DHRS7B: variants seen among roughly 807,000 people sequenced by gnomAD.
The protein encoded by DHRS7B is peroxisomal reductase activating PPAR-gamma.
DHRS7B carries 24 observed loss-of-function variants against 26.4 expected under a neutral mutation model. That is an observed-to-expected ratio of 0.91 (90% CI 0.66 to 1.28). The LOEUF (loss-of-function observed/expected upper bound fraction) is 1.28, where lower values mean the gene tolerates loss of function less well. Among genes scored for constraint, DHRS7B ranks in the 50% most tolerant of loss-of-function variants. DHRS7B has a pLI of 0.00. For synonymous variants in DHRS7B, 142 were observed against 166.4 expected, an observed-to-expected ratio of 0.85 and a Z score of 1.13; for missense variants, 368 against 419.4, an observed-to-expected ratio of 0.88 and a Z score of 1.07.
At chr17:21,183,162 T>G (rs1261678506) in intron 3 of DHRS7B, among the ~76,000 whole-genome samples, 1 of 152,176 alleles carries the variant, frequency 6.6e-6, no homozygotes, top group Non-Finnish European at 1.5e-5. Context: ...TTTTTCTAAC[T>G]TGTTGGCAAA....
chr17:21,190,627 C>T (rs944282144), intron 6 of DHRS7B, among the ~76,000 whole-genome samples: 7 of 152,256 alleles, frequency 4.6e-5, no homozygotes, highest in African/African-American at 1.4e-4. Context: ...CGGGCTGGCC[C>T]TGTGCCTTTG....
intron 2 of DHRS7B, among the ~76,000 whole-genome samples, chr17:21,177,036 AC>A (rs1430779128): frequency 6.6e-6 from 1 of 151,656 alleles, no homozygotes; most frequent in Non-Finnish European, 1.5e-5. Flanking sequence ...GTAGTCCTCC[AC>A]CCCCAGTTCT....
chr17:21,158,433 G>T (rs1266323655), intron 1 of DHRS7B, among the ~76,000 whole-genome samples: 1 of 152,176 alleles, frequency 6.6e-6, no homozygotes, highest in Non-Finnish European at 1.5e-5. Context: ...CAAGGTTAAT[G>T]TATAAACATG....
intron 1 of DHRS7B, among the ~76,000 whole-genome samples, chr17:21,164,572 G>A (rs1974071059): frequency 6.6e-6 from 1 of 152,248 alleles, no homozygotes; most frequent in African/African-American, 2.4e-5. Context: ...GGCCAGCACA[G>A]CAGTTTGAAT....
At position 21,127,007 on chromosome 17, in the gene DHRS7B, G is replaced by A. The variant is rs1168327938; in HGVS notation, c.20+16G>A. The A allele has an allele frequency of 2.6e-6, 4 of 1,515,886 alleles. No individual in the cohort carries two copies. The highest frequency in any genetic ancestry group is 3.5e-6 in the Non-Finnish European group (4 of 1,133,334). The allele number at this position is 1,515,886 out of a possible 1,614,324, so 93.9% of individuals were successfully genotyped here. On this transcript the variant is annotated intron_variant, in intron 1 of 6. Transcript: ENST00000395511. ...CGGCTACCAGGTAGGGGCTGGGGAAGAAGGAACCTCCGAGATGAGGCGATA... is the reference window on the plus strand; with the variant it reads ...CGGCTACCAGGTAGGGGCTGGGGAAAAAGGAACCTCCGAGATGAGGCGATA...
chr17:21,172,515 G>T (rs187659730), intron 2 of DHRS7B: 143 of 445,088 alleles, frequency 3.2e-4, no homozygotes, highest in African/African-American at 2.6e-3. Flanking sequence ...GCTTGCTGAG[G>T]TAGGAATTTT....
chr17:21,154,730 A>G (rs1973842972), intron 1 of DHRS7B, among the ~76,000 whole-genome samples: 1 of 152,242 alleles, frequency 6.6e-6, no homozygotes, highest in South Asian at 2.1e-4. Flanking sequence ...GTATGCTTTT[A>G]TATACCAATA....
rs35189205 is a variant in DHRS7B at position 21,164,030 on chromosome 17, C to CTTTTTTTTTTT, written c.21-7982_21-7972dup. Among the ~76,000 whole-genome samples, 23 of 96,972 alleles carry CTTTTTTTTTTT rather than the reference C, an allele frequency of 2.4e-4. 2 individuals carry two copies. Among genetic ancestry groups the CTTTTTTTTTTT allele is most frequent in the African/African-American group, 5.1e-4 (10 of 19,748 alleles). The allele number at this position is 96,972 out of a possible 152,430, so 63.6% of individuals were successfully genotyped here. A position where few individuals can be genotyped will look rare whatever the true frequency, so the allele number is the denominator to read the frequency against. ...AGTGCAGATATTGTCAATTGTTGTG[C>CTTTTTTTTTTT]TTTTTTTTTTTTTTTTGAGACAGGG... On this transcript the variant is annotated intron_variant, in intron 1 of 6. Transcript: ENST00000395511.
At chr17:21,173,811 G>A (rs1410113374) in intron 2 of DHRS7B, among the ~76,000 whole-genome samples, 1 of 152,186 alleles carries the variant, frequency 6.6e-6, no homozygotes, top group Non-Finnish European at 1.5e-5. Flanking sequence ...AGCTCAAAGA[G>A]AAGCATTTTG....
intron 1 of DHRS7B, among the ~76,000 whole-genome samples, chr17:21,151,984 C>A (rs1248334679): frequency 6.6e-6 from 1 of 152,142 alleles, no homozygotes; most frequent in Non-Finnish European, 1.5e-5. Context: ...CTTGTTCTCT[C>A]TCGCTCCCAC....
chr17:21,185,693 T>G (rs1266360160), intron 5 of DHRS7B, among the ~76,000 whole-genome samples: 4 of 150,144 alleles, frequency 2.7e-5, no homozygotes, highest in Non-Finnish European at 5.9e-5. Context: ...GTAAAGAGGT[T>G]TTTTTTTTTT....
intron 1 of DHRS7B, among the ~76,000 whole-genome samples, chr17:21,156,063 A>T (rs1973872348): frequency 6.6e-6 from 1 of 152,192 alleles, no homozygotes; most frequent in African/African-American, 2.4e-5. Context: ...CTAGAAAAAG[A>T]AGAGAAAATT....
chr17:21,190,430 C>T (rs1015874428), intron 6 of DHRS7B, among the ~76,000 whole-genome samples: 1 of 152,176 alleles, frequency 6.6e-6, no homozygotes, highest in Non-Finnish European at 1.5e-5. Flanking sequence ...ACTCAGTGAG[C>T]TTGTGCATAT....
chr17:21,164,621 A>T (rs1001423838), intron 1 of DHRS7B, among the ~76,000 whole-genome samples: 1 of 152,230 alleles, frequency 6.6e-6, no homozygotes, highest in African/African-American at 2.4e-5. Context: ...CAAGGCTTGT[A>T]CTTTGGACAG....
At chr17:21,128,994 A>C (rs908510926) in intron 1 of DHRS7B, 6 of 152,198 alleles carry the variant, frequency 3.9e-5, no homozygotes, top group African/African-American at 1.4e-4. Flanking sequence ...TCCAGAACCT[A>C]GCGCTTAGCT....
At chr17:21,130,424 G>A (rs751474140) in intron 1 of DHRS7B, among the ~76,000 whole-genome samples, 4 of 151,958 alleles carry the variant, frequency 2.6e-5, no homozygotes, top group Non-Finnish European at 4.4e-5. Context: ...ATAAACTTAC[G>A]TATGTATGTA....
intron 1 of DHRS7B, among the ~76,000 whole-genome samples, chr17:21,142,235 G>A (rs142287630): frequency 3.0e-4 from 46 of 152,296 alleles, no homozygotes; most frequent in African/African-American, 1.1e-3. Flanking sequence ...GACAGGGGCT[G>A]CAAGCACCGG....
At chr17:21,134,608 C>T (rs945920650) in intron 1 of DHRS7B, among the ~76,000 whole-genome samples, 1 of 152,144 alleles carries the variant, frequency 6.6e-6, no homozygotes, top group African/African-American at 2.4e-5. Context: ...CCAGTCAAAG[C>T]CTTGGTAAAA....
At chr17:21,133,072 A>G (rs1205004694) in intron 1 of DHRS7B, among the ~76,000 whole-genome samples, 1 of 152,214 alleles carries the variant, frequency 6.6e-6, no homozygotes, top group Non-Finnish European at 1.5e-5. Context: ...TGCTGTGAGG[A>G]TGAAATGAGA....
Sources: allele counts gnomAD v4.1 joint callset (sites outside exome capture counted in the v4.1 genomes callset), GRCh38; gene constraint gnomAD v4.1.1; transcripts MANE v1.5; gene names NCBI Gene and HGNC (gene_info 2026-07-23, HGNC 2026-07-21).